KCND2: variants seen among roughly 807,000 people sequenced by gnomAD.
The protein encoded by KCND2 is potassium voltage-gated channel subfamily D member 2, also known as A-type voltage-gated potassium channel KCND2.
A neutral mutation model predicts 54.4 loss-of-function variants in KCND2; 16 were observed. The observed-to-expected ratio is 0.29, with a 90% CI of 0.20 to 0.45. The LOEUF (loss-of-function observed/expected upper bound fraction) is 0.45. Ranked by LOEUF, KCND2 falls within the 20% of genes least tolerant of loss-of-function variation. KCND2 has a pLI of 1.00. For synonymous variants in KCND2, 317 were observed against 310.7 expected, an observed-to-expected ratio of 1.02 and a Z score of -0.21; for missense variants, 486 against 824.2, an observed-to-expected ratio of 0.59 and a Z score of 5.02.
intron 1 of KCND2, among the ~76,000 whole-genome samples, chr7:120,502,427 T>C (rs1361231019): frequency 6.6e-6 from 1 of 152,030 alleles, no homozygotes; most frequent in Non-Finnish European, 1.5e-5. Context: ...AGGCTCTATC[T>C]TCCCTAGGTC....
chr7:120,286,484 G>A (rs1799346219), intron 1 of KCND2, among the ~76,000 whole-genome samples: 1 of 151,868 alleles, frequency 6.6e-6, no homozygotes, highest in Non-Finnish European at 1.5e-5. Context: ...ACAAATAGGT[G>A]CTATATGAGG....
At chr7:120,624,323 A>G (rs1169121241) in intron 1 of KCND2, among the ~76,000 whole-genome samples, 1 of 152,204 alleles carries the variant, frequency 6.6e-6, no homozygotes, top group Non-Finnish European at 1.5e-5. Context: ...AAAAGTACAC[A>G]TTAATATGGT....
chr7:120,372,975 G>A (rs117401057), intron 1 of KCND2, among the ~76,000 whole-genome samples: 2,280 of 151,856 alleles, frequency 0.015, 28 homozygotes, highest in Non-Finnish European at 0.021. Flanking sequence ...TCGGATTTGT[G>A]CCCTTAGCTT....
Position 120,636,603 on chromosome 7 carries a change from G to A in KCND2, c.1116-96300G>A, listed in dbSNP as rs528607256. Among the ~76,000 whole-genome samples the A allele has an allele frequency of 2.8e-3, 422 of 152,106 alleles. 1 individual carries two copies. Among genetic ancestry groups the A allele is most frequent in the Non-Finnish European group, 4.9e-3 (336 of 67,962 alleles). On this transcript the variant is annotated intron_variant, in intron 1 of 5. Coordinates refer to ENST00000331113, the MANE Select transcript of KCND2 (RefSeq NM_012281.3). ...GCCAATATTCCTCTTATTACCAAGT[G>A]AAGCTGTACTTTTCTCACTATGAAG...
intron 1 of KCND2, among the ~76,000 whole-genome samples, chr7:120,321,026 A>G (rs1394849791): frequency 2.0e-5 from 3 of 152,138 alleles, no homozygotes; most frequent in Non-Finnish European, 4.4e-5. Flanking sequence ...ACAGTGCCCA[A>G]TTCATAGTAC....
chr7:120,405,195 T>C (rs1413154256), intron 1 of KCND2, among the ~76,000 whole-genome samples: 1 of 152,128 alleles, frequency 6.6e-6, no homozygotes. Context: ...TAAAAGCCAA[T>C]GCAAGTAATA....
At chr7:120,498,353 A>C (rs959459681) in intron 1 of KCND2, among the ~76,000 whole-genome samples, 4 of 151,988 alleles carry the variant, frequency 2.6e-5, no homozygotes, top group Non-Finnish European at 5.9e-5. Context: ...GGTGGCATGC[A>C]CCTGTTTTCC....
chr7:120,505,643 C>G (rs906411504), intron 1 of KCND2, among the ~76,000 whole-genome samples: 9 of 151,774 alleles, frequency 5.9e-5, no homozygotes, highest in African/African-American at 2.2e-4. Flanking sequence ...AGCTGACACA[C>G]TCTCCAGCTT....
At chr7:120,513,815 C>A (rs953404782) in intron 1 of KCND2, among the ~76,000 whole-genome samples, 4 of 151,804 alleles carry the variant, frequency 2.6e-5, no homozygotes, top group African/African-American at 9.7e-5. Flanking sequence ...TTTTAAGAAA[C>A]CAACAAAGCC....
At chr7:120,430,176 T>G (rs1801769071) in intron 1 of KCND2, among the ~76,000 whole-genome samples, 1 of 152,184 alleles carries the variant, frequency 6.6e-6, no homozygotes, top group South Asian at 2.1e-4. Flanking sequence ...CTAGCATGCT[T>G]GGTTTCTTCT....
intron 1 of KCND2, among the ~76,000 whole-genome samples, chr7:120,560,350 T>C (rs1792218530): frequency 6.6e-6 from 1 of 152,198 alleles, no homozygotes; most frequent in South Asian, 2.1e-4. Context: ...TGAAGTGGAA[T>C]GATGAATCAA....
intron 1 of KCND2, among the ~76,000 whole-genome samples, chr7:120,674,624 C>G (rs1792036017): frequency 6.6e-6 from 1 of 152,170 alleles, no homozygotes; most frequent in Middle Eastern, 3.2e-3. Context: ...TTCAGATAAA[C>G]ACCCTAATCC....
At chr7:120,436,022 C>T (rs1032565555) in intron 1 of KCND2, among the ~76,000 whole-genome samples, 2 of 152,204 alleles carry the variant, frequency 1.3e-5, no homozygotes, top group Admixed American at 6.5e-5. Flanking sequence ...TGAATATCCT[C>T]AATTTCAATA....
At chr7:120,340,169 C>T (rs1800220752) in intron 1 of KCND2, among the ~76,000 whole-genome samples, 1 of 152,080 alleles carries the variant, frequency 6.6e-6, no homozygotes, top group Admixed American at 6.5e-5. Flanking sequence ...AAACAGTTTG[C>T]ACATAGAAGA....
intron 1 of KCND2, among the ~76,000 whole-genome samples, chr7:120,519,542 G>C (rs1791662926): frequency 6.6e-6 from 1 of 152,034 alleles, no homozygotes; most frequent in Admixed American, 6.6e-5. Context: ...CTAACACCTT[G>C]GTTTCAGCTT....
chr7:120,497,949 T>C (rs1017861131), intron 1 of KCND2, among the ~76,000 whole-genome samples: 2 of 152,050 alleles, frequency 1.3e-5, no homozygotes, highest in Non-Finnish European at 2.9e-5. Context: ...CAGTACGCAT[T>C]AAAATAAAGT....
intron 1 of KCND2, among the ~76,000 whole-genome samples, chr7:120,384,773 C>T (rs1800963787): frequency 6.6e-6 from 1 of 152,108 alleles, no homozygotes; most frequent in African/African-American, 2.4e-5. Flanking sequence ...CTGCCATTTA[C>T]ATTTAGCTTG....
intron 1 of KCND2, among the ~76,000 whole-genome samples, chr7:120,527,735 CA>C (rs1309118425): frequency 6.6e-6 from 1 of 151,700 alleles, no homozygotes; most frequent in Non-Finnish European, 1.5e-5. Context: ...TTAAAGAAAG[CA>C]AAAATGTAAG....
At chr7:120,660,196 C>T (rs1275753338) in intron 1 of KCND2, among the ~76,000 whole-genome samples, 1 of 152,114 alleles carries the variant, frequency 6.6e-6, no homozygotes, top group Non-Finnish European at 1.5e-5. Context: ...AACTGATGTC[C>T]AAGAAGAAAG....
Sources: allele counts gnomAD v4.1 joint callset (sites outside exome capture counted in the v4.1 genomes callset), GRCh38; gene constraint gnomAD v4.1.1; transcripts MANE v1.5; gene names NCBI Gene and HGNC (gene_info 2026-07-23, HGNC 2026-07-21).